RFX3: variants seen among roughly 807,000 people sequenced by gnomAD.
RFX3 encodes the protein transcription factor RFX3.
A neutral mutation model predicts 98.6 loss-of-function variants in RFX3; 14 were observed. The observed-to-expected ratio is 0.14, with a 90% confidence interval of 0.09 to 0.22. RFX3 has a LOEUF of 0.22. Among genes scored for constraint, RFX3 ranks in the 10% least tolerant of loss-of-function variants. The pLI is 1.00. For synonymous variants in RFX3, 383 were observed against 328.4 expected (o/e 1.17, Z -1.80); for missense variants, 639 against 926.9 (o/e 0.69, Z 4.03).
At position 3,395,335 on chromosome 9, in the gene RFX3, T is replaced by C. The variant is rs970204243; in HGVS notation, c.117+137A>G. On this transcript the variant is annotated intron_variant, in intron 2 of 16. Coordinates refer to ENST00000617270, the MANE Select transcript of RFX3 (RefSeq NM_001282116.2). Reference sequence around the variant, plus strand: ...ATCCAAGAAATGCTCAAGAAACATTTGCTGAATGAACCTAAAAACTGAAGT... The same window carrying C: ...ATCCAAGAAATGCTCAAGAAACATTCGCTGAATGAACCTAAAAACTGAAGT... The C allele has an allele frequency of 7.6e-6, 7 of 920,742 alleles. No homozygotes were observed. In the African/African-American group the frequency reaches 8.2e-5, roughly 11 times the overall value. 57.0% of individuals were successfully genotyped at this position (920,742 alleles called of 1,614,324 possible).
At chr9:3,519,548 A>G (rs1179827653) in intron 1 of RFX3, among the ~76,000 whole-genome samples, 1 of 152,236 alleles carries the variant, frequency 6.6e-6, no homozygotes, top group Non-Finnish European at 1.5e-5. Context: ...AGTACGTTAC[A>G]TAAATTATCT....
chr9:3,500,341 G>C (rs1164193557), intron 1 of RFX3, among the ~76,000 whole-genome samples: 1 of 152,112 alleles, frequency 6.6e-6, no homozygotes, highest in Non-Finnish European at 1.5e-5. Flanking sequence ...GTTAGAAAGA[G>C]AACTGAAAGA....
chr9:3,498,221 C>A (rs891986612), intron 1 of RFX3, among the ~76,000 whole-genome samples: 1 of 151,942 alleles, frequency 6.6e-6, no homozygotes, highest in Non-Finnish European at 1.5e-5. Context: ...GGAATATCAC[C>A]GATACTTTTA....
intron 1 of RFX3, among the ~76,000 whole-genome samples, chr9:3,494,134 C>CCCT (rs1388922712): frequency 1.3e-5 from 2 of 152,048 alleles, no homozygotes; most frequent in Admixed American, 1.3e-4. Context: ...TGGAATTAAT[C>CCCT]TTGTTAGAAG....
intron 15 of RFX3, chr9:3,247,167 C>A: frequency 2.0e-6 from 2 of 985,424 alleles, no homozygotes; most frequent in Non-Finnish European, 2.4e-6. Context: ...TAAACTACCC[C>A]CGCCTCCTGC....
rs772280363 is a variant in RFX3, at chr9:3,266,204, A to G, written c.1455+4T>C. 134 of 1,567,120 alleles carry G rather than the reference A, an allele frequency of 8.6e-5. No individual in the cohort carries two copies. The highest frequency in any genetic ancestry group is 1.2e-4 in the Non-Finnish European group (133 of 1,141,530). ...AAAAGAAAAAGCAAGGACATAAAGT[A>G]TACCTTGGTTTGTATCATTCTCTGT... On this transcript the variant is annotated splice_donor_region_variant and intron_variant, in intron 12 of 16. Transcript: ENST00000617270.
At chr9:3,294,791 A>G (rs1827799569) in intron 5 of RFX3, among the ~76,000 whole-genome samples, 1 of 152,110 alleles carries the variant, frequency 6.6e-6, no homozygotes, top group African/African-American at 2.4e-5. Flanking sequence ...AAGACAAACC[A>G]GAGTACTTTT....
chr9:3,308,016 T>C (rs1352763122), intron 4 of RFX3, among the ~76,000 whole-genome samples: 2 of 152,180 alleles, frequency 1.3e-5, no homozygotes, highest in Non-Finnish European at 2.9e-5. Context: ...TAGTAAACAT[T>C]CTCCATTTTT....
chr9:3,460,910 G>A (rs939885181), intron 1 of RFX3, among the ~76,000 whole-genome samples: 4 of 151,554 alleles, frequency 2.6e-5, no homozygotes, highest in East Asian at 3.9e-4. Context: ...AACTACAAAC[G>A]CCTCTCAATA....
At chr9:3,385,942 G>C (rs908130154) in intron 2 of RFX3, among the ~76,000 whole-genome samples, 2 of 152,030 alleles carry the variant, frequency 1.3e-5, no homozygotes, top group Non-Finnish European at 2.9e-5. Flanking sequence ...AATGATGGAG[G>C]TATCTTTATT....
At chr9:3,327,186 C>T (rs1832019119) in intron 4 of RFX3, among the ~76,000 whole-genome samples, 1 of 151,794 alleles carries the variant, frequency 6.6e-6, no homozygotes, top group South Asian at 2.1e-4. Flanking sequence ...CATTTAATGG[C>T]ATGGCATCTC....
At chr9:3,337,410 T>G (rs1833316347) in intron 3 of RFX3, among the ~76,000 whole-genome samples, 1 of 152,190 alleles carries the variant, frequency 6.6e-6, no homozygotes, top group Non-Finnish European at 1.5e-5. Context: ...GGACAAATAT[T>G]TTTAAGCCAG....
intron 2 of RFX3, among the ~76,000 whole-genome samples, chr9:3,377,819 C>T (rs994842084): frequency 1.3e-5 from 2 of 151,986 alleles, no homozygotes; most frequent in African/African-American, 4.8e-5. Context: ...TGCCAAAACT[C>T]ATCAAACAGT....
intron 1 of RFX3, among the ~76,000 whole-genome samples, chr9:3,510,737 T>C (rs1296771725): frequency 2.0e-5 from 3 of 152,080 alleles, no homozygotes; most frequent in Non-Finnish European, 2.9e-5. Context: ...AAATAACATG[T>C]ACATTCTATA....
chr9:3,250,285 T>A (rs1821213976), intron 14 of RFX3, among the ~76,000 whole-genome samples: 1 of 152,066 alleles, frequency 6.6e-6, no homozygotes. Flanking sequence ...ATTGCATTTA[T>A]CTTGCTGAAG....
At chr9:3,350,878 A>T (rs1337175404) in intron 2 of RFX3, among the ~76,000 whole-genome samples, 1 of 152,124 alleles carries the variant, frequency 6.6e-6, no homozygotes, top group East Asian at 1.9e-4. Flanking sequence ...ACTATCTGAC[A>T]TTCTGGAAAA....
chr9:3,311,499 T>C (rs536325183), intron 4 of RFX3, among the ~76,000 whole-genome samples: 1 of 152,314 alleles, frequency 6.6e-6, no homozygotes, highest in South Asian at 2.1e-4. Context: ...ACACTTCCCT[T>C]TTGCATTTAG....
chr9:3,243,936 G>C (rs1820289763), intron 15 of RFX3, among the ~76,000 whole-genome samples: 1 of 152,044 alleles, frequency 6.6e-6, no homozygotes, highest in African/African-American at 2.4e-5. Flanking sequence ...CAATTTAGTG[G>C]TTGTGTGACC....
intron 1 of RFX3, among the ~76,000 whole-genome samples, chr9:3,463,701 G>A (rs1261174411): frequency 6.6e-6 from 1 of 152,008 alleles, no homozygotes; most frequent in East Asian, 1.9e-4. Flanking sequence ...CTGGGCACTG[G>A]GGCTCATGCT....
Sources: gnomAD v4.1 joint callset for allele counts (sites outside exome capture counted in the v4.1 genomes callset) on GRCh38, gnomAD v4.1.1 for gene constraint, MANE v1.5 for transcripts, NCBI Gene and HGNC (gene_info 2026-07-23, HGNC 2026-07-21) for gene names.